The following SHTN1 variants were observed in gnomAD, a reference collection of about 807,000 sequenced individuals.
SHTN1 encodes the protein shootin-1.
SHTN1 carries 42 observed loss-of-function variants against 83.1 expected under a neutral mutation model. The ratio of observed to expected loss-of-function variants is 0.51; its 90% CI spans 0.39 to 0.65. The LOEUF is 0.65. Among genes scored for constraint, SHTN1 ranks in the 30% least tolerant of loss-of-function variants. The pLI is 0.00. For missense variants in SHTN1, 622 were observed against 737.8 expected (o/e 0.84, Z 1.82); for synonymous variants, 224 against 247.7 (o/e 0.90, Z 0.90).
At chr10:116,913,812 C>T (rs1330511814) in intron 13 of SHTN1, among the ~76,000 whole-genome samples, 1 of 152,132 alleles carries the variant, frequency 6.6e-6, no homozygotes, top group Admixed American at 6.6e-5. Flanking sequence ...GGTGCTATCC[C>T]CATCTTGAAG....
intron 1 of SHTN1, among the ~76,000 whole-genome samples, chr10:117,109,566 T>TTTTTTTTTC: frequency 1.2e-5 from 1 of 85,722 alleles, no homozygotes; most frequent in Non-Finnish European, 2.3e-5. Context: ...TTTTTTTTTT[T>TTTTTTTTTC]TTTTTTTTTT....
intron 1 of SHTN1, among the ~76,000 whole-genome samples, chr10:116,980,541 AT>A (rs1850977408): frequency 6.7e-6 from 1 of 150,312 alleles, no homozygotes; most frequent in Admixed American, 6.6e-5. Context: ...TTATGGATTT[AT>A]CTACCAAAAA....
chr10:117,110,562 T>C (rs948047970), intron 1 of SHTN1, among the ~76,000 whole-genome samples: 1 of 151,684 alleles, frequency 6.6e-6, no homozygotes, highest in South Asian at 2.1e-4. Context: ...GGTTTCACCA[T>C]GTTGCCCAGG....
At chr10:117,116,551 T>C (rs2133643021) in intron 1 of SHTN1, among the ~76,000 whole-genome samples, 1 of 152,200 alleles carries the variant, frequency 6.6e-6, no homozygotes, top group East Asian at 1.9e-4. Context: ...TATTTCCAAA[T>C]TCATTCTATA....
chr10:117,007,142 A>T (rs1418935098), upstream of SHTN1, among the ~76,000 whole-genome samples: 1 of 152,028 alleles, frequency 6.6e-6, no homozygotes, highest in African/African-American at 2.4e-5. Context: ...TGCCATGAAG[A>T]TCCCCAGGAG....
intron 1 of SHTN1, among the ~76,000 whole-genome samples, chr10:117,061,403 G>T (rs1464449025): frequency 6.6e-6 from 1 of 151,986 alleles, no homozygotes; most frequent in Non-Finnish European, 1.5e-5. Context: ...TCACTATGTT[G>T]CCCAAGCTGG....
At chr10:116,904,045 G>C (rs538813545) in intron 15 of SHTN1, among the ~76,000 whole-genome samples, 1 of 152,276 alleles carries the variant, frequency 6.6e-6, no homozygotes, top group South Asian at 2.1e-4. Context: ...CTTTGTCCCT[G>C]GGGCAGATAA....
At chr10:116,896,621 T>TATA (rs989291317) in intron 16 of SHTN1, among the ~76,000 whole-genome samples, 2 of 152,174 alleles carry the variant, frequency 1.3e-5, no homozygotes, top group African/African-American at 4.8e-5. Flanking sequence ...ATATGTTGAA[T>TATA]ATAGTGGTGA....
chr10:116,927,969 T>A (rs557927251), intron 10 of SHTN1, 78 bp from the exon 11 acceptor site: 8 of 1,504,658 alleles, frequency 5.3e-6, no homozygotes, highest in Non-Finnish European at 7.2e-6. Context: ...AAAAAGAACA[T>A]AACCTTTCTC....
chr10:117,005,140 AGGG>A lies in SHTN1; in HGVS notation c.-64_-62del. The A allele has an allele frequency of 6.4e-7, 1 of 1,555,866 alleles. No individual in the cohort carries two copies. Among genetic ancestry groups the A allele is most frequent in the South Asian group, 1.2e-5 (1 of 84,568 alleles). On this transcript the variant is annotated 5_prime_UTR_variant, in exon 1 of 17. Transcript: ENST00000355371. ...GGAGCGGCGCGGGGCACACAGGAGG[AGGG>A]GGAAGAAAAAGCAAGATGCCGGTGG...
chr10:116,893,352 C>T (rs1847399710), intron 16 of SHTN1, among the ~76,000 whole-genome samples: 2 of 152,198 alleles, frequency 1.3e-5, no homozygotes, highest in East Asian at 1.9e-4. Flanking sequence ...TTTGTAGCAG[C>T]GCTTTGCTGA....
At position 116,927,827 on chromosome 10, in the gene SHTN1, T is replaced by A. The variant is rs750833025; in HGVS notation, c.1077A>T (p.Pro359=). The A allele has an allele frequency of 1.1e-5, 18 of 1,604,778 alleles. No individual in the cohort carries two copies. The highest frequency in any genetic ancestry group is 1.5e-5 in the Non-Finnish European group (18 of 1,176,004). Residue 359 remains proline (P), a synonymous_variant, in exon 11 of 17, where the codon CCA becomes CCT. Transcript: ENST00000355371. ...TGGGAGGTGGAGGGGGAAGTGGTGG[T>A]GGAGGAGGAGGTGGTGGAGGTACTG... ...ENSVPPPPPP[P]PPLPPPPPNP...
intron 1 of SHTN1, among the ~76,000 whole-genome samples, chr10:117,084,239 CTGTT>C (rs1380537742): frequency 2.0e-5 from 3 of 152,040 alleles, no homozygotes; most frequent in Non-Finnish European, 2.9e-5. Context: ...GATGTCCTTT[CTGTT>C]TGTTAGTTTT....
At chr10:116,945,499 T>C (rs1849543156) in intron 7 of SHTN1, among the ~76,000 whole-genome samples, 1 of 152,172 alleles carries the variant, frequency 6.6e-6, no homozygotes, top group South Asian at 2.1e-4. Flanking sequence ...TTTTTGTTCT[T>C]TAAAAGCCAC....
At chr10:117,119,348 A>T (rs1853892187) in intron 1 of SHTN1, among the ~76,000 whole-genome samples, 1 of 152,356 alleles carries the variant, frequency 6.6e-6, no homozygotes, top group South Asian at 2.1e-4. Context: ...ATTCTACAGA[A>T]AAAAATGGAA....
chr10:117,052,804 G>C (rs1852766444), intron 1 of SHTN1, among the ~76,000 whole-genome samples: 1 of 151,310 alleles, frequency 6.6e-6, no homozygotes, highest in Admixed American at 6.6e-5. Flanking sequence ...TGGATCACGA[G>C]GCCAGGAGAT....
At position 117,005,097 on chromosome 10, in the gene SHTN1, G is replaced by A. The variant is rs917639231; in HGVS notation, c.-18C>T. On this transcript the variant is annotated 5_prime_UTR_variant, in exon 1 of 17. Coordinates refer to ENST00000355371, the MANE Select transcript of SHTN1 (RefSeq NM_001127211.3). ...CTGTTCATTTTGGCGGGTGGGGCCG[G>A]GAATAAAAGGGAAAGAGGGAGCGGC... is the stretch of plus-strand genomic sequence containing the variant. The A allele has an allele frequency of 1.6e-5, 25 of 1,584,658 alleles. No homozygotes were observed. Among genetic ancestry groups the A allele is most frequent in the Non-Finnish European group, 2.1e-5 (25 of 1,165,282 alleles).
At chr10:117,005,264 G>A (rs1851977133), upstream of SHTN1, 1 of 1,445,832 alleles carries the variant, frequency 6.9e-7, no homozygotes, top group African/African-American at 1.4e-5. Flanking sequence ...CACCTACTCG[G>A]CGGCTGCGGC....
At chr10:116,929,655 T>G (rs774269487) in intron 10 of SHTN1, among the ~76,000 whole-genome samples, 194 bp downstream of exon 10, 3 of 152,170 alleles carry the variant, frequency 2.0e-5, no homozygotes, top group Non-Finnish European at 4.4e-5. Context: ...GTCTAAATAT[T>G]TTTGAATTAT....
Sources: gnomAD v4.1 joint callset for allele counts (sites outside exome capture counted in the v4.1 genomes callset) on GRCh38, gnomAD v4.1.1 for gene constraint, MANE v1.5 for transcripts, NCBI Gene and HGNC (gene_info 2026-07-23, HGNC 2026-07-21) for gene names.